PPP1CB: variants seen among roughly 807,000 people sequenced by gnomAD.
PPP1CB encodes the protein serine/threonine-protein phosphatase PP1-beta catalytic subunit.
A neutral mutation model predicts 43.7 loss-of-function variants in PPP1CB; 2 were observed. The ratio of observed to expected loss-of-function variants is 0.05; its 90% CI spans 0.02 to 0.14. PPP1CB has a LOEUF of 0.14. Ranked by LOEUF, PPP1CB falls within the 10% of genes least tolerant of loss-of-function variation. The probability of loss-of-function intolerance (pLI) is 1.00; values close to 1 mark genes in which losing one functional copy is unlikely to be tolerated. For missense variants in PPP1CB, 84 were observed against 398.0 expected (o/e 0.21, Z 6.71); for synonymous variants, 136 against 135.6 (o/e 1.00, Z -0.02).
chr2:28,773,933 G>T (rs1179940444), intron 1 of PPP1CB, among the ~76,000 whole-genome samples: 1 of 152,122 alleles, frequency 6.6e-6, no homozygotes, highest in Non-Finnish European at 1.5e-5. Context: ...AATTATAATT[G>T]TAAGAAGCTT....
intron 1 of PPP1CB, among the ~76,000 whole-genome samples, chr2:28,766,889 G>T (rs971749547): frequency 6.6e-5 from 10 of 152,094 alleles, no homozygotes; most frequent in African/African-American, 2.2e-4. Context: ...AGATCATCCT[G>T]GCTAACATGG....
At chr2:28,767,226 T>TTTA (rs747339202) in intron 1 of PPP1CB, among the ~76,000 whole-genome samples, 2 of 152,250 alleles carry the variant, frequency 1.3e-5, no homozygotes, top group Non-Finnish European at 2.9e-5. Flanking sequence ...CAGACTCATT[T>TTTA]TTATTTTTGT....
chr2:28,788,790 T>C lies in PPP1CB; in HGVS notation c.725T>C (p.Leu242Ser). 2 of 1,610,466 alleles carry C rather than the reference T, an allele frequency of 1.2e-6. No individual in the cohort carries two copies. The highest frequency in any genetic ancestry group is 1.7e-6 in the Non-Finnish European group (2 of 1,179,178). The change falls in exon 6 of 8, where the codon TTG (leucine) becomes TCG (serine). Residue 242 changes from leucine to serine, a missense_variant. Coordinates refer to ENST00000395366, the MANE Select transcript of PPP1CB (RefSeq NM_002709.3). Reference protein sequence around the residue: ...SKFLNRHDLDLICRAHQVVED... With the variant: ...SKFLNRHDLDSICRAHQVVED... The stretch of plus-strand genomic sequence containing the variant: ...TTTCTGAATCGTCATGATTTAGATT[T>C]GATTTGTCGAGCTCATCAGGTATGA...
At chr2:28,752,316 C>T in intron 1 of PPP1CB, 140 bp downstream of exon 1, 1 of 823,882 alleles carries the variant, frequency 1.2e-6, no homozygotes, top group Non-Finnish European at 1.8e-6. Flanking sequence ...GGCGGACGAA[C>T]CGAGGAGGGG....
intron 1 of PPP1CB, among the ~76,000 whole-genome samples, chr2:28,756,280 C>A (rs1003177700): frequency 3.9e-5 from 6 of 152,182 alleles, no homozygotes; most frequent in African/African-American, 1.2e-4. Flanking sequence ...AGTTCCATAG[C>A]AAAATGTGAT....
intron 1 of PPP1CB, among the ~76,000 whole-genome samples, chr2:28,756,343 T>A (rs544682919): frequency 4.6e-5 from 7 of 152,254 alleles, no homozygotes; most frequent in Non-Finnish European, 1.0e-4. Flanking sequence ...GGGATGTGTT[T>A]GTACCTGTTT....
At chr2:28,796,905 T>A (rs1667507878) in intron 7 of PPP1CB, among the ~76,000 whole-genome samples, 1 of 152,194 alleles carries the variant, frequency 6.6e-6, no homozygotes, top group African/African-American at 2.4e-5. Context: ...CGATGTTGGC[T>A]GTGGGTTTGT....
chr2:28,785,220 G>C (rs893965948), intron 5 of PPP1CB, among the ~76,000 whole-genome samples: 3 of 150,914 alleles, frequency 2.0e-5, no homozygotes, highest in Middle Eastern at 3.4e-3. Context: ...GACTACAGGC[G>C]CCCGCCACCA....
intron 4 of PPP1CB, among the ~76,000 whole-genome samples, chr2:28,783,139 G>A (rs1667191202): frequency 6.6e-6 from 1 of 152,134 alleles, no homozygotes; most frequent in African/African-American, 2.4e-5. Flanking sequence ...AATAGTTTAT[G>A]ACTTCATGAA....
Position 28,801,478 on chromosome 2 carries a change from T to G in PPP1CB, c.*2175T>G, listed in dbSNP as rs1316752979. On this transcript the variant is annotated 3_prime_UTR_variant, in exon 8 of 8. Coordinates refer to ENST00000395366, the MANE Select transcript of PPP1CB (RefSeq NM_002709.3). ...TAAATGTGAAAAAATAATCACTACT[T>G]AAGCTAATTAATATTGGTCATTAAA... is the stretch of plus-strand genomic sequence containing the variant. The G allele has an allele frequency of 6.6e-6, 1 of 152,012 alleles. No homozygotes were observed. Among genetic ancestry groups the G allele is most frequent in the Non-Finnish European group, 1.5e-5 (1 of 67,954 alleles). The allele number at this position is 152,012 out of a possible 1,614,324, so 9.4% of individuals were successfully genotyped here.
intron 2 of PPP1CB, among the ~76,000 whole-genome samples, chr2:28,777,941 A>G (rs1667076226): frequency 1.3e-5 from 2 of 152,242 alleles, no homozygotes; most frequent in South Asian, 4.1e-4. Context: ...GGCATGAGCC[A>G]CCGCAGCTGG....
intron 1 of PPP1CB, among the ~76,000 whole-genome samples, chr2:28,772,200 C>G (rs1489966957): frequency 6.6e-6 from 1 of 151,992 alleles, no homozygotes; most frequent in African/African-American, 2.4e-5. Context: ...CCCAGCTGCT[C>G]AGGAGGCAGG....
At chr2:28,768,147 CAG>C (rs1266184491) in intron 1 of PPP1CB, among the ~76,000 whole-genome samples, 1 of 152,092 alleles carries the variant, frequency 6.6e-6, no homozygotes, top group Non-Finnish European at 1.5e-5. Context: ...GCAGCCAACA[CAG>C]AAAATTGTTG....
chr2:28,751,801 T>C (rs1038100423), upstream of PPP1CB: 1 of 410,406 alleles, frequency 2.4e-6, no homozygotes, highest in South Asian at 2.1e-5. Flanking sequence ...GCGCTGCGGG[T>C]GGGGCCGTCG....
chr2:28,777,045 G>C, intron 2 of PPP1CB, 63 bp downstream of exon 2: 1 of 1,540,382 alleles, frequency 6.5e-7, no homozygotes. Context: ...CCATGTTTAA[G>C]ATCTAGAGAA....
rs1296575595 is a variant in PPP1CB at position 28,793,843 on chromosome 2, T to C, written c.745-20T>C. 1.9e-6 allele frequency: 3 copies of C among 1,613,452 alleles called. No homozygotes were observed. In the Admixed American group the frequency reaches 5.0e-5, roughly 27 times the overall value. On this transcript the variant is annotated intron_variant, in intron 6 of 7. Coordinates refer to ENST00000395366, the MANE Select transcript of PPP1CB (RefSeq NM_002709.3). ...TTACCCACCAATAAATGTTTTTTCT[T>C]CTGACATTTCCTTTGACAGGTGGTG... is the stretch of plus-strand genomic sequence containing the variant.
chr2:28,787,536 C>A (rs1379645467), intron 5 of PPP1CB, among the ~76,000 whole-genome samples: 1 of 152,192 alleles, frequency 6.6e-6, no homozygotes, highest in Non-Finnish European at 1.5e-5. Flanking sequence ...ATCCACCCTT[C>A]TTTTAATATC....
At chr2:28,751,752 C>T (rs1454788700), upstream of PPP1CB, 2 of 307,542 alleles carry the variant, frequency 6.5e-6, no homozygotes, top group Admixed American at 5.4e-5. Flanking sequence ...CGGAGAGCTG[C>T]GTGACGCGGC....
At chr2:28,761,430 A>C (rs1447472213) in intron 1 of PPP1CB, among the ~76,000 whole-genome samples, 1 of 152,194 alleles carries the variant, frequency 6.6e-6, no homozygotes, top group Non-Finnish European at 1.5e-5. Flanking sequence ...TTCTGGGTGT[A>C]TTTCAGCCCC....
Sources: allele counts gnomAD v4.1 joint callset (sites outside exome capture counted in the v4.1 genomes callset), GRCh38; gene constraint gnomAD v4.1.1; transcripts MANE v1.5; gene names NCBI Gene and HGNC (gene_info 2026-07-23, HGNC 2026-07-21).